C11orf16: variants seen among roughly 807,000 people sequenced by gnomAD.
C11orf16 encodes chromosome 11 open reading frame 16.
C11orf16 carries 38 observed loss-of-function variants against 45.1 expected under a neutral mutation model. The observed-to-expected ratio is 0.84, with a 90% confidence interval of 0.65 to 1.10. The LOEUF is 1.10. C11orf16 is among the 50% of genes least tolerant of loss of function. C11orf16 has a pLI of 0.00. For synonymous variants in C11orf16, 221 were observed against 222.0 expected (o/e 1.00, Z 0.04); for missense variants, 583 against 569.5 (o/e 1.02, Z -0.24).
chr11:8,925,580 T>C lies in C11orf16; in HGVS notation c.1087A>G (p.Ser363Gly), dbSNP rs150395762. 1.5e-3 allele frequency: 2,363 copies of C among 1,614,260 alleles called. 2 individuals are homozygous for C. The highest frequency in any genetic ancestry group is 1.9e-3 in the Non-Finnish European group (2,195 of 1,180,036). ...MGPPQRLMVNSAVNTDPIFLE... is the reference protein window; with the variant it reads ...MGPPQRLMVNGAVNTDPIFLE... ...AAGATGGGATCTGTGTTGACTGCAC[T>C]GTTCACCATCAGTCTCTGGGGAGGG... is the stretch of plus-strand genomic sequence containing the variant. The change falls in exon 5 of 7, where the codon AGT (serine) becomes GGT (glycine). Residue 363 changes from serine (S) to glycine (G), a missense_variant. Coordinates refer to ENST00000326053, the MANE Select transcript of C11orf16 (RefSeq NM_020643.3).
rs375392333 is a variant in C11orf16, at chr11:8,925,451, C to A, written c.1204+12G>T. On this transcript the variant is annotated intron_variant, in intron 5 of 6. Transcript: ENST00000326053. ...CCCTGCCTTAGAAAGCAAGCCCACT[C>A]CCCTGGTATACCTGGCTTCCCAAGG... is the stretch of plus-strand genomic sequence containing the variant. 3.6e-5 allele frequency: 58 copies of A among 1,606,466 alleles called. No individual in the cohort carries two copies. In the African/African-American group the frequency reaches 6.2e-4, roughly 17 times the overall value.
rs764441533 is a variant in C11orf16 at position 8,927,126 on chromosome 11, C to T, written c.373G>A (p.Ala125Thr). ...LLVEFEAPLVAGPKLPAQQQR... is the reference protein window; with the variant it reads ...LLVEFEAPLVTGPKLPAQQQR... The stretch of plus-strand genomic sequence containing the variant: ...TGCTGGGCTGGCAGCTTTGGGCCTG[C>T]GACAAGAGGAGCCTCGAATTCCACA... Residue 125 changes from alanine (A) to threonine (T), a missense_variant, in exon 4 of 7, where the codon GCA becomes ACA. Ala to Thr is a moderately conservative substitution (Grantham distance 58). Coordinates refer to ENST00000326053, the MANE Select transcript of C11orf16 (RefSeq NM_020643.3). 27 of 1,613,950 alleles carry T rather than the reference C, an allele frequency of 1.7e-5. No homozygotes were observed. Among genetic ancestry groups the T allele is most frequent in the South Asian group, 8.8e-5 (8 of 91,082 alleles).
rs145379760 is a variant in C11orf16, at chr11:8,920,312, G to A, written c.*161C>T. On this transcript the variant is annotated 3_prime_UTR_variant, in exon 7 of 7. Transcript: ENST00000326053. ...GTGCCTTCCTGCTGCTTATCTGCAG[G>A]GAGGTCTTCGTGGGGTGGAGATACT... 7.2e-4 allele frequency: 375 copies of A among 520,940 alleles called. No individual in the cohort carries two copies. Among genetic ancestry groups the A allele is most frequent in the African/African-American group, 6.5e-3 (330 of 50,440 alleles). 32.3% of individuals were successfully genotyped at this position (520,940 alleles called of 1,614,324 possible). A position where few individuals can be genotyped will look rare whatever the true frequency, so the allele number is the denominator to read the frequency against.
rs765731503 is a variant in C11orf16 at position 8,932,202 on chromosome 11, G to C, written c.107C>G (p.Ser36Cys). ...TTGGAGGGCAAAGGGGTAGGTGAAG[G>C]AGAGGTCCCAAGGTGGAGCAGCACC... ...WDGAAPPWDL[S>C]FTYPFALQAP... The change falls in exon 2 of 7, where the codon TCC becomes TGC. Residue 36 changes from serine (S) to cysteine (C), a missense_variant. Coordinates refer to ENST00000326053, the MANE Select transcript of C11orf16 (RefSeq NM_020643.3). The C allele has an allele frequency of 6.3e-7, 1 of 1,597,354 alleles. No homozygotes were observed. The highest frequency in any genetic ancestry group is 8.5e-7 in the Non-Finnish European group (1 of 1,172,270).
intron 1 of C11orf16, 80 bp downstream of exon 1, chr11:8,932,821 C>T: frequency 6.5e-6 from 1 of 153,626 alleles, no homozygotes; most frequent in Non-Finnish European, 1.4e-5. Flanking sequence ...CAAGATCAAG[C>T]CGCACTGCTG....
chr11:8,926,486 T>G (rs1335740144), intron 4 of C11orf16, among the ~76,000 whole-genome samples: 3 of 152,174 alleles, frequency 2.0e-5, no homozygotes, highest in Non-Finnish European at 4.4e-5. Flanking sequence ...AGGACTTGCC[T>G]GAGCCTCCCT....
chr11:8,925,815 G>C lies in C11orf16; in HGVS notation c.852C>G (p.Gly284=). The C allele has an allele frequency of 6.2e-7, 1 of 1,614,206 alleles. No individual in the cohort carries two copies. The highest frequency in any genetic ancestry group is 8.5e-7 in the Non-Finnish European group (1 of 1,180,042). The change falls in exon 5 of 7, where the codon GGC becomes GGG. Residue 284 remains glycine, a synonymous_variant. Coordinates refer to ENST00000326053, the MANE Select transcript of C11orf16 (RefSeq NM_020643.3). ...CQLLCQGCLC[G]CPPCGTTWWP... is the part of the protein sequence containing the mutation. ...ACCAAGTCGTGCCACATGGCGGGCA[G>C]CCACAGAGGCAGCCCTGGCACAGTA...
intron 1 of C11orf16, 62 bp from the exon 2 acceptor site, chr11:8,932,388 G>A (rs1163536815): frequency 2.1e-6 from 3 of 1,396,008 alleles, no homozygotes; most frequent in Non-Finnish European, 2.9e-6. Flanking sequence ...CCACCGGGGC[G>A]AGGCAGGGCT....
chr11:8,926,697 G>T (rs1459104630), intron 4 of C11orf16, among the ~76,000 whole-genome samples: 2 of 152,036 alleles, frequency 1.3e-5, no homozygotes, highest in African/African-American at 4.8e-5. Flanking sequence ...AACCAACATA[G>T]ATATGAGAGT....
intron 5 of C11orf16, among the ~76,000 whole-genome samples, chr11:8,925,057 C>T (rs1182640298): frequency 6.6e-6 from 1 of 152,180 alleles, no homozygotes; most frequent in Non-Finnish European, 1.5e-5. Context: ...AGACCAGTTT[C>T]TATGCTTCAG....
At chr11:8,927,567 C>G (rs1433917879) in intron 3 of C11orf16, 1 of 457,926 alleles carries the variant, frequency 2.2e-6, no homozygotes, top group Non-Finnish European at 4.4e-6. Flanking sequence ...AGAAGCGTCG[C>G]TCCTGTGTCC....
chr11:8,920,489 A>T (rs1443568336), intron 6 of C11orf16, 39 bp from the exon 7 acceptor site: 2 of 645,400 alleles, frequency 3.1e-6, no homozygotes, highest in Non-Finnish European at 5.5e-6. Flanking sequence ...TGTTATGCTG[A>T]CTGCAATTTT....
chr11:8,929,679 C>A, intron 2 of C11orf16, 146 bp from the exon 3 acceptor site: 2 of 803,872 alleles, frequency 2.5e-6, no homozygotes, highest in South Asian at 1.9e-5. Flanking sequence ...CAATCTATGA[C>A]TTCCGGAAGG....
chr11:8,930,347 A>C (rs1278320564), intron 2 of C11orf16, among the ~76,000 whole-genome samples: 1 of 147,168 alleles, frequency 6.8e-6, no homozygotes, highest in Non-Finnish European at 1.5e-5. Context: ...AATCGCTTGA[A>C]CCCAGGAGGC....
At chr11:8,926,180 CTTTTCTTTTT>C in intron 4 of C11orf16, 73 bp from the exon 5 acceptor site, 1 of 987,624 alleles carries the variant, frequency 1.0e-6, no homozygotes, top group Non-Finnish European at 1.4e-6. Flanking sequence ...TTCTTTTTTT[CTTTTCTTTTT>C]TTTTTTTTTT....
At chr11:8,924,897 G>T (rs997509957) in intron 5 of C11orf16, among the ~76,000 whole-genome samples, 1 of 152,226 alleles carries the variant, frequency 6.6e-6, no homozygotes, top group Admixed American at 6.5e-5. Flanking sequence ...AGGCGATGCA[G>T]TGTGGGGCTG....
In C11orf16 at chr11:8,929,370, G is replaced by T. The variant is rs766984986; in HGVS notation, c.324+7C>A. 1 of 1,612,834 alleles carries T rather than the reference G, an allele frequency of 6.2e-7. No homozygotes were observed. The highest frequency in any genetic ancestry group is 2.2e-5 in the East Asian group (1 of 44,878). On this transcript the variant is annotated splice_region_variant and intron_variant, in intron 3 of 6. Transcript: ENST00000326053. ...ACGCCAGGGAGATACTGGGGTCAGGGACTTGCCTCGGGAGTGGCCTTTATT... is the reference window on the plus strand; with the variant it reads ...ACGCCAGGGAGATACTGGGGTCAGGTACTTGCCTCGGGAGTGGCCTTTATT...
At chr11:8,920,738 G>A (rs1475565392) in intron 6 of C11orf16, among the ~76,000 whole-genome samples, 4 of 152,110 alleles carry the variant, frequency 2.6e-5, no homozygotes, top group East Asian at 1.9e-4. Flanking sequence ...TCAGGTGGGC[G>A]GCTCACTTGA....
intron 5 of C11orf16, among the ~76,000 whole-genome samples, chr11:8,921,771 T>C (rs947313205): frequency 6.6e-6 from 1 of 152,128 alleles, no homozygotes; most frequent in African/African-American, 2.4e-5. Flanking sequence ...CAGCCCCCAG[T>C]AGCTGGGACC....
Sources: gnomAD v4.1 joint callset for allele counts (sites outside exome capture counted in the v4.1 genomes callset) on GRCh38, gnomAD v4.1.1 for gene constraint, MANE v1.5 for transcripts, NCBI Gene and HGNC (gene_info 2026-07-23, HGNC 2026-07-21) for gene names.